TNKS2: variants seen among roughly 807,000 people sequenced by gnomAD.
TNKS2 encodes the protein tankyrase 2.
TNKS2 carries 72 observed loss-of-function variants against 137.6 expected under a neutral mutation model. That is an observed-to-expected ratio of 0.52 (90% CI 0.43 to 0.64). TNKS2 has a LOEUF of 0.64. Among genes scored for constraint, TNKS2 ranks in the 30% least tolerant of loss-of-function variants. The pLI is 0.00. For missense variants in TNKS2, 1,049 were observed against 1,410.2 expected (o/e 0.74, Z 4.10); for synonymous variants, 516 against 512.1 (o/e 1.01, Z -0.10).
At position 91,798,610 on chromosome 10, in the gene TNKS2, G is replaced by A; in HGVS notation, c.-81G>A. 2.5e-6 allele frequency: 3 copies of A among 1,203,476 alleles called. No individual in the cohort carries two copies. The highest frequency in any genetic ancestry group is 8.5e-5 in the South Asian group (2 of 23,416). The allele number at this position is 1,203,476 out of a possible 1,614,324, so 74.5% of individuals were successfully genotyped here. On this transcript the variant is annotated 5_prime_UTR_variant, in exon 1 of 27. Transcript: ENST00000371627. The stretch of plus-strand genomic sequence containing the variant: ...GGCCCTGAGCGCGTCTTCTCCGGGG[G>A]GCCTCGCCCTCCTGCTCGCGGGGCC...
In TNKS2 at chr10:91,798,522, CGCGCGTGGGCGCGGCCATGGGACT is replaced by C. The variant is rs899190366; in HGVS notation, c.-164_-141del. The C allele has an allele frequency of 5.3e-6, 4 of 759,232 alleles. No homozygotes were observed. The highest frequency in any genetic ancestry group is 1.8e-5 in the African/African-American group (1 of 54,514). The allele number at this position is 759,232 out of a possible 1,614,324, so 47.0% of individuals were successfully genotyped here. On this transcript the variant is annotated 5_prime_UTR_variant, in exon 1 of 27. It removes an upstream start codon present in the reference 5' UTR. Transcript: ENST00000371627. The stretch of plus-strand genomic sequence containing the variant: ...GGGGGGCAGGGAGCCCAGCGAGGGG[CGCGCGTGGGCGCGGCCATGGGACT>C]GCGCCGGATCCGGTGACAGCAGGGA...
rs1419111469 is a variant in TNKS2 at position 91,842,232 on chromosome 10, G to T, written c.1900G>T (p.Asp634Tyr). 6.2e-7 allele frequency: 1 copy of T among 1,614,034 alleles called. No homozygotes were observed. The highest frequency in any genetic ancestry group is 1.7e-5 in the Admixed American group (1 of 60,022). The change falls in exon 16 of 27, where the codon GAT (aspartate) becomes TAT (tyrosine). Residue 634 changes from aspartate to tyrosine, a missense_variant. Asp to Tyr is a radical substitution (Grantham distance 160). This residue lies in a region of TNKS2 where 328 missense variants were observed against 436.0 expected (regional missense o/e 0.75). Transcript: ENST00000371627. ...AAATACTCCTTTGGATCTTGTTAAA[G>T]ATGGAGATACAGATATTCAAGATCT... ...DGNTPLDLVK[D>Y]GDTDIQDLLR...
Position 91,840,623 on chromosome 10 carries a change from T to A in TNKS2, c.1590T>A (p.Leu530=). 1 of 1,614,136 alleles carries A rather than the reference T, an allele frequency of 6.2e-7. No homozygotes were observed. Among genetic ancestry groups the A allele is most frequent in the Non-Finnish European group, 8.5e-7 (1 of 1,179,994 alleles). ...RDIEGRQSTP[L]HFAAGYNRVS... is the part of the protein sequence containing the mutation. ...TTGAAGGGCGTCAGTCTACACCACT[T>A]CATTTTGCAGCTGGGTATAACAGAG... The change falls in exon 14 of 27, where the codon CTT becomes CTA. Residue 530 remains leucine (L), a synonymous_variant. Coordinates refer to ENST00000371627, the MANE Select transcript of TNKS2 (RefSeq NM_025235.4).
At chr10:91,799,730 A>AT (rs1844100083) in intron 1 of TNKS2, among the ~76,000 whole-genome samples, 1 of 152,252 alleles carries the variant, frequency 6.6e-6, no homozygotes, top group African/African-American at 2.4e-5. Context: ...GCTTATTCCC[A>AT]TAAAGCATGC....
chr10:91,799,224 A>G (rs763791716), intron 1 of TNKS2, among the ~76,000 whole-genome samples: 1 of 152,206 alleles, frequency 6.6e-6, no homozygotes, highest in Non-Finnish European at 1.5e-5. Context: ...AAGAAAGAGT[A>G]GGGGACGTAG....
Position 91,836,995 on chromosome 10 carries a change from A to G in TNKS2, c.1524A>G (p.Val508=). Residue 508 remains valine (V), a synonymous_variant, in exon 13 of 27, where the codon GTA becomes GTG. Transcript: ENST00000371627. ...CAAAGGCTGGAGATGTCGAAACTGT[A>G]AAAGTAAGATACAGTGTTACGTTTC... ...EAAKAGDVET[V]KKLCTVQSVN... 6.2e-7 allele frequency: 1 copy of G among 1,613,150 alleles called. No homozygotes were observed. The highest frequency in any genetic ancestry group is 2.2e-5 in the East Asian group (1 of 44,808).
intron 12 of TNKS2, among the ~76,000 whole-genome samples, chr10:91,834,435 C>T (rs970669481): frequency 3.3e-5 from 5 of 151,932 alleles, no homozygotes; most frequent in South Asian, 2.1e-4. Context: ...ATATTCATTA[C>T]GTCTTAAAAG....
chr10:91,820,606 A>G (rs1320268192), intron 6 of TNKS2, among the ~76,000 whole-genome samples: 1 of 152,254 alleles, frequency 6.6e-6, no homozygotes. Flanking sequence ...AGGACTGGGT[A>G]TTTAGCCTAA....
At chr10:91,855,351 G>GT (rs1842674282) in intron 22 of TNKS2, among the ~76,000 whole-genome samples, 1 of 151,510 alleles carries the variant, frequency 6.6e-6, no homozygotes, top group Admixed American at 6.6e-5. Context: ...TTTTGTTTTT[G>GT]TTTTTGTTTT....
At chr10:91,830,526 T>C (rs1212273661) in intron 9 of TNKS2, among the ~76,000 whole-genome samples, 1 of 152,210 alleles carries the variant, frequency 6.6e-6, no homozygotes, top group East Asian at 1.9e-4. Context: ...CTATATTCTG[T>C]TATTTCTTCA....
intron 1 of TNKS2, among the ~76,000 whole-genome samples, chr10:91,809,711 C>T (rs1219213716): frequency 6.6e-6 from 1 of 151,958 alleles, no homozygotes; most frequent in Admixed American, 6.6e-5. Context: ...GTCACCTAGA[C>T]TATGGCACAT....
chr10:91,835,444 C>G (rs1841976607), intron 12 of TNKS2, among the ~76,000 whole-genome samples: 1 of 151,522 alleles, frequency 6.6e-6, no homozygotes, highest in South Asian at 2.1e-4. Flanking sequence ...TGCACACCAC[C>G]ACACCCGGCT....
At chr10:91,847,203 G>T (rs1190043953) in intron 18 of TNKS2, among the ~76,000 whole-genome samples, 1 of 152,138 alleles carries the variant, frequency 6.6e-6, no homozygotes, top group Non-Finnish European at 1.5e-5. Flanking sequence ...GTGATGACTG[G>T]AATAGTCAGA....
Position 91,837,061 on chromosome 10 carries a change from T to C in TNKS2, c.1527+63T>C. On this transcript the variant is annotated intron_variant, in intron 13 of 26. Transcript: ENST00000371627. The stretch of plus-strand genomic sequence containing the variant: ...TTTATTTTGACATTGTTATTTAATC[T>C]GTACTGTTACAATGAAGAGCCTGGT... The C allele has an allele frequency of 2.6e-6, 4 of 1,526,622 alleles. No individual in the cohort carries two copies. The South Asian group carries it at 4.9e-5, about 19-fold the overall frequency. 94.6% of individuals were successfully genotyped at this position (1,526,622 alleles called of 1,614,324 possible). A position where few individuals can be genotyped will look rare whatever the true frequency, so the allele number is the denominator to read the frequency against.
At chr10:91,842,100 T>G in intron 15 of TNKS2, 72 bp from the exon 16 acceptor site, 1 of 1,038,972 alleles carries the variant, frequency 9.6e-7, no homozygotes, top group Non-Finnish European at 1.4e-6. Context: ...TAGTTAACAC[T>G]GACTATTTTC....
At chr10:91,821,568 C>T (rs903877606) in intron 6 of TNKS2, among the ~76,000 whole-genome samples, 3 of 152,060 alleles carry the variant, frequency 2.0e-5, no homozygotes, top group African/African-American at 4.8e-5. Context: ...TGATCCCAAA[C>T]GAGAAGGAAA....
chr10:91,812,058 CAA>C (rs11333861), intron 1 of TNKS2, among the ~76,000 whole-genome samples: 179 of 121,554 alleles, frequency 1.5e-3, no homozygotes, highest in Admixed American at 2.7e-3. Context: ...CACTCCGTCT[CAA>C]AAAAAAAAAA....
At chr10:91,839,271 A>T (rs1842134883) in intron 13 of TNKS2, among the ~76,000 whole-genome samples, 1 of 152,184 alleles carries the variant, frequency 6.6e-6, no homozygotes, top group South Asian at 2.1e-4. Flanking sequence ...TCCTCCTCTG[A>T]ACCAAAGAGC....
At chr10:91,857,215 C>A (rs751136014) in intron 23 of TNKS2, among the ~76,000 whole-genome samples, 8 of 151,642 alleles carry the variant, frequency 5.3e-5, no homozygotes, top group Non-Finnish European at 1.0e-4. Context: ...GCCTTTTTTT[C>A]TTTGAATTTT....
Sources: allele counts gnomAD v4.1 joint callset (sites outside exome capture counted in the v4.1 genomes callset), GRCh38; gene constraint gnomAD v4.1.1; regional missense constraint gnomAD v4.1.1; transcripts MANE v1.5; gene names NCBI Gene and HGNC (gene_info 2026-07-23, HGNC 2026-07-21).